The following ARSB variants were observed in gnomAD, a reference collection of about 807,000 sequenced individuals.
ARSB encodes the protein N-acetylgalactosamine-4-sulfatase.
Under a neutral mutation model 50.9 loss-of-function variants are expected in ARSB, and 41 were observed. The ratio of observed to expected loss-of-function variants is 0.81; its 90% CI spans 0.63 to 1.04. The LOEUF is 1.04. ARSB is among the 50% of genes least tolerant of loss of function. The pLI is 0.00. For missense variants in ARSB, 672 were observed against 693.3 expected, an observed-to-expected ratio of 0.97 and a Z score of 0.35; for synonymous variants, 269 against 284.8, an observed-to-expected ratio of 0.94 and a Z score of 0.56.
chr5:78,835,187 G>A, intron 6 of ARSB, among the ~76,000 whole-genome samples: 1 of 152,046 alleles, frequency 6.6e-6, no homozygotes, highest in Admixed American at 6.6e-5. Context: ...CGATCTTTGA[G>A]TATTTTTACT....
At chr5:78,787,154 C>G (rs939165655) in intron 6 of ARSB, among the ~76,000 whole-genome samples, 7 of 145,576 alleles carry the variant, frequency 4.8e-5, no homozygotes, top group Admixed American at 4.8e-4. Flanking sequence ...ACAGGTTTCA[C>G]TATGTTGGCC....
At chr5:78,932,241 T>C (rs976159582) in intron 4 of ARSB, among the ~76,000 whole-genome samples, 5 of 152,254 alleles carry the variant, frequency 3.3e-5, no homozygotes, top group African/African-American at 9.6e-5. Context: ...GGGTATTATG[T>C]CAGATACCGC....
chr5:78,786,657 C>T (rs1749087553), intron 6 of ARSB, among the ~76,000 whole-genome samples: 1 of 152,172 alleles, frequency 6.6e-6, no homozygotes, highest in South Asian at 2.1e-4. Context: ...GATCTCACTC[C>T]ATCACCCAGG....
intron 6 of ARSB, among the ~76,000 whole-genome samples, chr5:78,794,083 A>G (rs1363900218): frequency 6.6e-6 from 1 of 152,080 alleles, no homozygotes; most frequent in Non-Finnish European, 1.5e-5. Context: ...GAGCATAAAC[A>G]TTTCTTTAGG....
chr5:78,947,647 G>C (rs1322957676), intron 4 of ARSB, among the ~76,000 whole-genome samples: 1 of 152,178 alleles, frequency 6.6e-6, no homozygotes, highest in Non-Finnish European at 1.5e-5. Flanking sequence ...TGCTGGCGAG[G>C]ATGTGGAGAA....
chr5:78,924,125 T>C (rs548480298), intron 4 of ARSB, among the ~76,000 whole-genome samples: 94 of 152,304 alleles, frequency 6.2e-4, no homozygotes, highest in Non-Finnish European at 1.0e-3. Context: ...CAGATAGTGA[T>C]GATGATGAAG....
Position 78,869,688 on chromosome 5 carries a change from C to A in ARSB, c.1142+15896G>T, listed in dbSNP as rs1490899829. On this transcript the variant is annotated intron_variant, in intron 5 of 7. Transcript: ENST00000264914. ...AGTGTGTAGAGGGAAATTTATAGCA[C>A]TAAATGCCCACAAGAGAAAGCAGGA... 6.6e-5 allele frequency among the ~76,000 whole-genome samples: 10 copies of A among 150,664 alleles called. No homozygotes were observed. The East Asian group carries it at 1.8e-3, about 27-fold the overall frequency.
intron 5 of ARSB, among the ~76,000 whole-genome samples, chr5:78,869,533 G>A (rs1167935069): frequency 6.8e-6 from 1 of 147,262 alleles, no homozygotes; most frequent in Admixed American, 6.8e-5. Context: ...TCAACTACAT[G>A]GAAACTGAAC....
intron 1 of ARSB, among the ~76,000 whole-genome samples, chr5:78,981,914 C>CTTT (rs1202455685): frequency 7.1e-4 from 38 of 53,832 alleles, no homozygotes; most frequent in Non-Finnish European, 1.3e-3. Context: ...AGATATGACT[C>CTTT]TTTTTTTTTT....
chr5:78,851,765 T>G (rs1176381194), intron 5 of ARSB, among the ~76,000 whole-genome samples: 1 of 152,202 alleles, frequency 6.6e-6, no homozygotes, highest in Admixed American at 6.5e-5. Flanking sequence ...GCATATATAT[T>G]TAGGATAGTT....
At chr5:78,830,235 G>A (rs1259969031) in intron 6 of ARSB, among the ~76,000 whole-genome samples, 1 of 152,048 alleles carries the variant, frequency 6.6e-6, no homozygotes, top group Non-Finnish European at 1.5e-5. Flanking sequence ...AAGTAACCCT[G>A]GGGAAAAAAA....
intron 5 of ARSB, among the ~76,000 whole-genome samples, chr5:78,842,069 C>A (rs1472616319): frequency 6.6e-6 from 1 of 151,856 alleles, no homozygotes; most frequent in African/African-American, 2.4e-5. Flanking sequence ...ACTTTATTAA[C>A]ACAGATTCAA....
intron 5 of ARSB, among the ~76,000 whole-genome samples, chr5:78,852,289 A>G (rs550236958): frequency 5.6e-4 from 85 of 152,258 alleles, no homozygotes; most frequent in Non-Finnish European, 1.0e-4. Context: ...TTGTCTGTAT[A>G]GTATTTTATT....
At chr5:78,925,594 T>C (rs1216960697) in intron 4 of ARSB, among the ~76,000 whole-genome samples, 1 of 152,164 alleles carries the variant, frequency 6.6e-6, no homozygotes, top group Non-Finnish European at 1.5e-5. Flanking sequence ...CAGGGTAGAA[T>C]TTAAGAAAAA....
At chr5:78,930,064 T>A (rs1359181099) in intron 4 of ARSB, among the ~76,000 whole-genome samples, 7 of 152,008 alleles carry the variant, frequency 4.6e-5, no homozygotes. Flanking sequence ...GTACACAGGG[T>A]TATTTGCAGC....
In ARSB at chr5:78,985,206, G is replaced by C. The variant is rs778159305; in HGVS notation, c.43C>G (p.Pro15Ala). ...GAASLPRGPG[P>A]RRLLLPVVLP... ...ACGACGGGGAGGAGCAGCCGCCGAG[G>C]TCCGGGGCCTCGGGGCAAGCTCGCC... The change falls in exon 1 of 8, where the codon CCT (proline) becomes GCT (alanine). Residue 15 changes from proline to alanine, a missense_variant. Transcript: ENST00000264914. 25 of 1,371,140 alleles carry C rather than the reference G, an allele frequency of 1.8e-5. No individual in the cohort carries two copies. The East Asian group carries it at 7.0e-4, about 38-fold the overall frequency. 84.9% of individuals were successfully genotyped at this position (1,371,140 alleles called of 1,614,324 possible).
intron 4 of ARSB, among the ~76,000 whole-genome samples, chr5:78,908,238 A>G (rs1323328693): frequency 6.6e-6 from 1 of 151,912 alleles, no homozygotes; most frequent in Non-Finnish European, 1.5e-5. Context: ...TGGGAACTCT[A>G]CCTTGTGTTG....
intron 3 of ARSB, among the ~76,000 whole-genome samples, chr5:78,958,866 G>A (rs1751853739): frequency 1.3e-5 from 2 of 152,194 alleles, no homozygotes; most frequent in South Asian, 4.1e-4. Context: ...TACATCTTCA[G>A]TGTGGAATGT....
At chr5:78,938,990 G>T (rs754215408) in intron 4 of ARSB, among the ~76,000 whole-genome samples, 51 of 152,210 alleles carry the variant, frequency 3.4e-4, no homozygotes, top group Non-Finnish European at 6.8e-4. Flanking sequence ...TCACTAAATG[G>T]AAACTTCACC....
Sources: allele counts gnomAD v4.1 joint callset (sites outside exome capture counted in the v4.1 genomes callset), GRCh38; gene constraint gnomAD v4.1.1; transcripts MANE v1.5; gene names NCBI Gene and HGNC (gene_info 2026-07-23, HGNC 2026-07-21).